The following FBXL20 variants were observed in gnomAD, a reference collection of about 807,000 sequenced individuals.
The protein encoded by FBXL20 is F-box and leucine rich repeat protein 20.
Under a neutral mutation model 64.0 loss-of-function variants are expected in FBXL20, and 11 were observed. The ratio of observed to expected loss-of-function variants is 0.17; its 90% CI spans 0.11 to 0.28. The LOEUF (loss-of-function observed/expected upper bound fraction) is 0.28. FBXL20 is among the 10% of genes least tolerant of loss of function. The pLI is 1.00. For missense variants in FBXL20, 303 were observed against 526.2 expected (o/e 0.58, Z 4.15); for synonymous variants, 184 against 189.0 (o/e 0.97, Z 0.22).
intron 1 of FBXL20, among the ~76,000 whole-genome samples, chr17:39,396,741 G>A (rs1299034972): frequency 2.0e-5 from 3 of 151,878 alleles, no homozygotes; most frequent in South Asian, 2.1e-4. Flanking sequence ...GGATCGCGAG[G>A]TTAGGAGATT....
At chr17:39,285,649 TATTA>T in intron 6 of FBXL20, 76 bp from the exon 7 acceptor site, 1 of 905,216 alleles carries the variant, frequency 1.1e-6, no homozygotes, top group African/African-American at 1.7e-5. Flanking sequence ...ACACTGTTCT[TATTA>T]AACACATGTG....
chr17:39,365,524 G>A (rs1372216355), intron 1 of FBXL20, among the ~76,000 whole-genome samples: 1 of 152,122 alleles, frequency 6.6e-6, no homozygotes, highest in Non-Finnish European at 1.5e-5. Flanking sequence ...CAAACTTTCT[G>A]CTTTGGACAC....
rs982644256 is a variant in FBXL20, at chr17:39,319,998, T to A, written c.105-16359A>T. 1.3e-5 allele frequency among the ~76,000 whole-genome samples: 2 copies of A among 152,184 alleles called. 1 individual carries two copies. Among genetic ancestry groups the A allele is most frequent in the African/African-American group, 4.8e-5 (2 of 41,438 alleles). On this transcript the variant is annotated intron_variant, in intron 2 of 14. Coordinates refer to ENST00000264658, the MANE Select transcript of FBXL20 (RefSeq NM_032875.3). Reference sequence around the variant, plus strand: ...AAAAACACACAGATGGTAATATACATACTGTAAAAAGTCCCTTCTGTCCTT... The same window carrying A: ...AAAAACACACAGATGGTAATATACAAACTGTAAAAAGTCCCTTCTGTCCTT...
intron 9 of FBXL20, among the ~76,000 whole-genome samples, chr17:39,280,768 C>T (rs533260279): frequency 6.6e-6 from 1 of 151,904 alleles, no homozygotes; most frequent in Non-Finnish European, 1.5e-5. Context: ...TGCTCATCAT[C>T]TTATTTATTT....
intron 1 of FBXL20, among the ~76,000 whole-genome samples, chr17:39,379,059 C>A (rs1343647015): frequency 6.7e-6 from 1 of 150,082 alleles, no homozygotes; most frequent in Non-Finnish European, 1.5e-5. Flanking sequence ...GAAACCCGGT[C>A]TCTACTAAAA....
intron 7 of FBXL20, among the ~76,000 whole-genome samples, chr17:39,284,976 T>C (rs1324234300): frequency 6.6e-6 from 1 of 151,858 alleles, no homozygotes; most frequent in African/African-American, 2.4e-5. Flanking sequence ...TCTCACTCTG[T>C]CAGCACACTG....
At chr17:39,349,177 G>A (rs1381561546) in intron 1 of FBXL20, among the ~76,000 whole-genome samples, 4 of 151,590 alleles carry the variant, frequency 2.6e-5, no homozygotes, top group Non-Finnish European at 4.4e-5. Context: ...ACTTGAACCC[G>A]GGAGACAGAG....
chr17:39,354,823 CAAATA>C (rs1424907843), intron 1 of FBXL20, among the ~76,000 whole-genome samples: 3 of 152,142 alleles, frequency 2.0e-5, no homozygotes, highest in South Asian at 4.1e-4. Flanking sequence ...TATACTACAA[CAAATA>C]AAATAACAAT....
At chr17:39,346,754 AC>A (rs2047636975) in intron 1 of FBXL20, among the ~76,000 whole-genome samples, 1 of 151,912 alleles carries the variant, frequency 6.6e-6, no homozygotes, top group Non-Finnish European at 1.5e-5. Context: ...CAGGTTTATT[AC>A]ATATGTATAC....
intron 2 of FBXL20, among the ~76,000 whole-genome samples, chr17:39,327,562 T>C (rs2047420225): frequency 6.6e-6 from 1 of 152,130 alleles, no homozygotes; most frequent in Non-Finnish European, 1.5e-5. Context: ...CAGCCACCTA[T>C]ACAGATATAA....
At chr17:39,315,866 A>AGAGAGAGAGAGAGC (rs1167410862) in intron 2 of FBXL20, among the ~76,000 whole-genome samples, 21 of 132,656 alleles carry the variant, frequency 1.6e-4, no homozygotes, top group Non-Finnish European at 2.8e-4. Flanking sequence ...AGAGAGAGAG[A>AGAGAGAGAGAGAGC]GAGAGCAACT....
chr17:39,276,329 G>A (rs1358725350), intron 9 of FBXL20, among the ~76,000 whole-genome samples: 3 of 150,444 alleles, frequency 2.0e-5, no homozygotes. Context: ...AAAAGAAAGG[G>A]AAGGAAGGGA....
chr17:39,280,230 C>T (rs1288472105), intron 9 of FBXL20, among the ~76,000 whole-genome samples: 5 of 105,202 alleles, frequency 4.8e-5, no homozygotes, highest in South Asian at 5.0e-4. Context: ...TGCAAGACTC[C>T]GTCTCAAAAA....
chr17:39,349,268 T>C lies in FBXL20; in HGVS notation c.43-6027A>G, dbSNP rs1045791998. On this transcript the variant is annotated intron_variant, in intron 1 of 14. Transcript: ENST00000264658. ...CTCCGTCTCAAAATAAATAAGCAAA[T>C]AAATAAAAATCGAGCCACCATACTC... 3.5e-4 allele frequency among the ~76,000 whole-genome samples: 30 copies of C among 86,238 alleles called. No individual in the cohort carries two copies. In the Admixed American group the frequency reaches 5.2e-3, roughly 15 times the overall value. The allele number at this position is 86,238 out of a possible 152,430, so 56.6% of individuals were successfully genotyped here.
chr17:39,301,216 T>A, intron 3 of FBXL20, 141 bp from the exon 4 acceptor site: 1 of 670,468 alleles, frequency 1.5e-6, no homozygotes, highest in Non-Finnish European at 2.6e-6. Flanking sequence ...TACTCCCAAA[T>A]GATGTGTCTT....
intron 1 of FBXL20, among the ~76,000 whole-genome samples, chr17:39,361,617 G>GA (rs2047794638): frequency 1.3e-5 from 2 of 151,900 alleles, no homozygotes; most frequent in African/African-American, 2.4e-5. Flanking sequence ...CTAACACTGT[G>GA]AAACCCTGTC....
intron 5 of FBXL20, chr17:39,297,429 C>T (rs1455376764): frequency 3.1e-5 from 9 of 286,492 alleles, no homozygotes; most frequent in East Asian, 6.0e-5. Flanking sequence ...GAGAAGTAAT[C>T]GCGGTTTTTG....
At chr17:39,388,678 T>C (rs939124207) in intron 1 of FBXL20, among the ~76,000 whole-genome samples, 1 of 150,456 alleles carries the variant, frequency 6.6e-6, no homozygotes, top group Non-Finnish European at 1.5e-5. Context: ...GAGACGGGGT[T>C]TCACCATGTT....
chr17:39,319,340 T>C (rs915736026), intron 2 of FBXL20, among the ~76,000 whole-genome samples: 11 of 151,974 alleles, frequency 7.2e-5, no homozygotes, highest in African/African-American at 2.4e-5. Context: ...CAACTCTACA[T>C]TCTAAGATTA....
Sources: allele counts gnomAD v4.1 joint callset (sites outside exome capture counted in the v4.1 genomes callset), GRCh38; gene constraint gnomAD v4.1.1; transcripts MANE v1.5; gene names NCBI Gene and HGNC (gene_info 2026-07-23, HGNC 2026-07-21).